Variants in DPCD observed in about 807,000 individuals in gnomAD.
DPCD encodes the protein deleted in primary ciliary dyskinesia homolog (mouse).
In DPCD, 20 loss-of-function variants were observed where a neutral mutation model predicts 26.4. The observed-to-expected ratio is 0.76, with a 90% CI of 0.53 to 1.10. The LOEUF (loss-of-function observed/expected upper bound fraction) is 1.10, where lower values mean the gene tolerates loss of function less well. Among genes scored for constraint, DPCD ranks in the 50% least tolerant of loss-of-function variants. The pLI is 0.00. For missense variants in DPCD, 202 were observed against 253.9 expected (o/e 0.80, Z 1.39); for synonymous variants, 97 against 94.2 (o/e 1.03, Z -0.17).
chr10:101,598,681 A>G (rs2063671519), intron 2 of DPCD, among the ~76,000 whole-genome samples: 1 of 136,600 alleles, frequency 7.3e-6, no homozygotes, highest in African/African-American at 2.8e-5. Flanking sequence ...CTGGAGTGCA[A>G]TGGCACAATC....
At chr10:101,595,090 T>C (rs941548478) in intron 2 of DPCD, among the ~76,000 whole-genome samples, 17 of 152,174 alleles carry the variant, frequency 1.1e-4, no homozygotes, top group Non-Finnish European at 2.2e-4. Flanking sequence ...ACAATTTGTT[T>C]TTCCTTGTTT....
chr10:101,607,516 G>A (rs1198631610), intron 4 of DPCD, among the ~76,000 whole-genome samples: 2 of 152,154 alleles, frequency 1.3e-5, no homozygotes, highest in Admixed American at 6.5e-5. Flanking sequence ...GTGGGGAGTG[G>A]GGAACCTGGG....
intron 4 of DPCD, chr10:101,605,329 G>C: frequency 7.0e-7 from 1 of 1,435,194 alleles, no homozygotes; most frequent in Non-Finnish European, 9.3e-7. Context: ...TTGAAAGGCT[G>C]GATTGGGGAG....
chr10:101,590,898 GT>G (rs2063602541), intron 1 of DPCD, among the ~76,000 whole-genome samples: 1 of 152,172 alleles, frequency 6.6e-6, no homozygotes, highest in African/African-American at 2.4e-5. Flanking sequence ...TGTAACTGGT[GT>G]ATTTCACTTA....
At chr10:101,591,223 G>A (rs1342689474) in intron 1 of DPCD, among the ~76,000 whole-genome samples, 3 of 152,154 alleles carry the variant, frequency 2.0e-5, no homozygotes, top group Admixed American at 6.5e-5. Flanking sequence ...TTCATCTGTT[G>A]ATGGACACCT....
At chr10:101,596,894 A>C (rs902370965) in intron 2 of DPCD, among the ~76,000 whole-genome samples, 2 of 152,234 alleles carry the variant, frequency 1.3e-5, no homozygotes, top group Non-Finnish European at 2.9e-5. Flanking sequence ...TCTGTTAGAA[A>C]AATTCAAAGT....
chr10:101,594,698 A>G lies in DPCD; in HGVS notation c.105A>G (p.Glu35=), dbSNP rs1239592138. 1 of 1,614,190 alleles carries G rather than the reference A, an allele frequency of 6.2e-7. No homozygotes were observed. Among genetic ancestry groups the G allele is most frequent in the Admixed American group, 1.7e-5 (1 of 60,030 alleles). ...ACTATTTATTCCCAGACGGCAAGGA[A>G]ATGGCTGAAGAATATGACGAGAAGA... The part of the protein sequence containing the change: ...KVHYLFPDGK[E]MAEEYDEKTS... Residue 35 remains glutamate, a synonymous_variant, in exon 2 of 6, where the codon GAA becomes GAG. Transcript: ENST00000370151.
chr10:101,595,002 A>G (rs1458409988), intron 2 of DPCD, among the ~76,000 whole-genome samples: 2 of 152,172 alleles, frequency 1.3e-5, no homozygotes, highest in African/African-American at 2.4e-5. Context: ...GTAGAGAAAC[A>G]GTTGGGAAAA....
intron 4 of DPCD, among the ~76,000 whole-genome samples, chr10:101,604,075 G>A (rs1341580968): frequency 6.6e-6 from 1 of 152,230 alleles, no homozygotes; most frequent in Non-Finnish European, 1.5e-5. Flanking sequence ...CATTCTGGCA[G>A]GTGGGGAAGT....
chr10:101,602,104 C>T (rs902932988), intron 4 of DPCD, among the ~76,000 whole-genome samples: 2 of 152,188 alleles, frequency 1.3e-5, no homozygotes, highest in African/African-American at 4.8e-5. Flanking sequence ...TCAATCTTGA[C>T]CTGGGCTAGA....
At position 101,600,076 on chromosome 10, in the gene DPCD, G is replaced by T. The variant is rs1038983013; in HGVS notation, c.146-662G>T. On this transcript the variant is annotated intron_variant, in intron 2 of 5. Transcript: ENST00000370151. This position sits in a 1 kb window ranked among gnomAD's most constrained non-coding sequence, Gnocchi z 4.7. The stretch of plus-strand genomic sequence containing the variant: ...CAAGGTAAAATAGAGATGGTTATTT[G>T]CATTCTAGAAGGATTCCCTTTTACA... Among the ~76,000 whole-genome samples the T allele has an allele frequency of 2.0e-5, 3 of 152,196 alleles. No individual in the cohort carries two copies. Among genetic ancestry groups the T allele is most frequent in the Non-Finnish European group, 4.4e-5 (3 of 68,026 alleles).
In DPCD at chr10:101,594,752, G is replaced by A; in HGVS notation, c.145+14G>A. On this transcript the variant is annotated intron_variant, in intron 2 of 5. Transcript: ENST00000370151. ...GTGAACTACTTGGTAAGTGACAGAG[G>A]CTCCCAGTGGGCCTTTAGTAATACT... 1 of 1,612,314 alleles carries A rather than the reference G, an allele frequency of 6.2e-7. No individual in the cohort carries two copies. Among genetic ancestry groups the A allele is most frequent in the Non-Finnish European group, 8.5e-7 (1 of 1,178,816 alleles).
Position 101,608,920 on chromosome 10 carries a change from T to A in DPCD, c.490T>A (p.Cys164Ser). The change falls in exon 5 of 6, where the codon TGC (cysteine) becomes AGC (serine). Residue 164 changes from cysteine (C) to serine (S), a missense_variant. Cys to Ser is a moderately radical substitution (Grantham distance 112). Transcript: ENST00000370151. ...DALLSFAHAN[C>S]TLIISYQKPK... ...CTTGCTGAGCTTTGCCCACGCCAAC[T>A]GCACCCTGATCATCTCTGTAAGATT... is the stretch of plus-strand genomic sequence containing the variant. 6.2e-7 allele frequency: 1 copy of A among 1,613,208 alleles called. No homozygotes were observed. The highest frequency in any genetic ancestry group is 1.3e-5 in the African/African-American group (1 of 74,976).
At chr10:101,608,133 C>T (rs983474557) in intron 4 of DPCD, among the ~76,000 whole-genome samples, 4 of 151,890 alleles carry the variant, frequency 2.6e-5, no homozygotes, top group Admixed American at 6.6e-5. Context: ...CATCATTAAT[C>T]GCTGAACCGG....
chr10:101,603,721 C>T lies in DPCD; in HGVS notation c.404+2385C>T, dbSNP rs1010336018. On this transcript the variant is annotated intron_variant, in intron 4 of 5. Coordinates refer to ENST00000370151, the MANE Select transcript of DPCD (RefSeq NM_015448.3). This position sits in a 1 kb window ranked among gnomAD's most constrained non-coding sequence, Gnocchi z 4.6. ...GCAGTGAGCCAAGATCATGCCATTG[C>T]ACTCCAGCCTGGGTGACAGAGTGAG... Among the ~76,000 whole-genome samples, 51 of 150,936 alleles carry T rather than the reference C, an allele frequency of 3.4e-4. No individual in the cohort carries two copies. Among genetic ancestry groups the T allele is most frequent in the African/African-American group, 1.2e-3 (50 of 40,950 alleles).
chr10:101,599,225 T>C (rs2063675013), intron 2 of DPCD, among the ~76,000 whole-genome samples: 2 of 152,224 alleles, frequency 1.3e-5, no homozygotes, highest in Admixed American at 6.5e-5. Context: ...CTTTTCACAA[T>C]AAGCTGCTGC....
At position 101,603,397 on chromosome 10, in the gene DPCD, CA is replaced by C. The variant is rs2063712159; in HGVS notation, c.404+2062del. ...TGGAAGGGAGAGATTTATTTCTCAT[CA>C]GGGGTTACAGCCTGCATAGACATTC... On this transcript the variant is annotated intron_variant, in intron 4 of 5. Coordinates refer to ENST00000370151, the MANE Select transcript of DPCD (RefSeq NM_015448.3). The surrounding 1 kb of genome is among the most constrained non-coding windows in gnomAD (Gnocchi z 4.6). Among the ~76,000 whole-genome samples, 1 of 152,002 alleles carries C rather than the reference CA, an allele frequency of 6.6e-6. No homozygotes were observed. The highest frequency in any genetic ancestry group is 1.5e-5 in the Non-Finnish European group (1 of 68,006).
intron 1 of DPCD, among the ~76,000 whole-genome samples, chr10:101,590,813 CA>C (rs1416425863): frequency 2.0e-5 from 3 of 152,176 alleles, no homozygotes; most frequent in African/African-American, 7.2e-5. Context: ...TGGCAACCAC[CA>C]TTCTACTTTC....
At chr10:101,599,105 C>T (rs1238232606) in intron 2 of DPCD, among the ~76,000 whole-genome samples, 2 of 152,144 alleles carry the variant, frequency 1.3e-5, no homozygotes, top group Non-Finnish European at 2.9e-5. Flanking sequence ...GTCAATATGC[C>T]TGAGAAAAAA....
Sources: allele counts gnomAD v4.1 joint callset (sites outside exome capture counted in the v4.1 genomes callset), GRCh38; gene constraint gnomAD v4.1.1; non-coding constraint Gnocchi (gnomAD v3.1); transcripts MANE v1.5; gene names NCBI Gene and HGNC (gene_info 2026-07-23, HGNC 2026-07-21).